Variants in MCF2L observed in about 807,000 individuals in gnomAD.
The protein encoded by MCF2L is MCF.2 cell line derived transforming sequence like.
MCF2L carries 97 observed loss-of-function variants against 153.4 expected under a neutral mutation model. That is an observed-to-expected ratio of 0.63 (90% confidence interval 0.54 to 0.75). The LOEUF is 0.75. MCF2L is among the 30% of genes least tolerant of loss of function. The pLI is 0.00. For synonymous variants in MCF2L, 659 were observed against 632.2 expected, an observed-to-expected ratio of 1.04 and a Z score of -0.64; for missense variants, 1,347 against 1,495.2, an observed-to-expected ratio of 0.90 and a Z score of 1.64.
rs561016545 is a variant in MCF2L, at chr13:113,010,621, G to A, written c.80-4142G>A. ...GGGCAGGCCTGGCCACCCCCTCGTC[G>A]GCCCCACCTGCTGCCTCTGCCCGCG... On this transcript the variant is annotated intron_variant, in intron 1 of 29. Transcript: ENST00000535094. 3.2e-3 allele frequency among the ~76,000 whole-genome samples: 483 copies of A among 151,936 alleles called. 1 individual carries two copies. Among genetic ancestry groups the A allele is most frequent in the Non-Finnish European group, 6.1e-3 (416 of 68,026 alleles).
At chr13:113,080,972 G>T (rs1021179495) in intron 15 of MCF2L, among the ~76,000 whole-genome samples, 1 of 152,226 alleles carries the variant, frequency 6.6e-6, no homozygotes, top group Non-Finnish European at 1.5e-5. Flanking sequence ...GCCGGGCCAG[G>T]GGCAAGACAC....
In MCF2L at chr13:113,070,533, C is replaced by T. The variant is rs182366159; in HGVS notation, c.996+360C>T. 3.0e-3 allele frequency: 514 copies of T among 168,992 alleles called. 2 individuals carry two copies. Among genetic ancestry groups the T allele is most frequent in the Non-Finnish European group, 5.1e-3 (407 of 79,618 alleles). 10.5% of individuals were successfully genotyped at this position (168,992 alleles called of 1,614,324 possible). On this transcript the variant is annotated intron_variant, in intron 9 of 29. Transcript: ENST00000535094. This position sits in a 1 kb window ranked among gnomAD's most constrained non-coding sequence, Gnocchi z 5.6. Reference sequence around the variant, plus strand: ...GCCTGCTGTGTGCCAGACTGTAGGACGGCGTCACAGTCATGAGGTGCACAG... The same window carrying T: ...GCCTGCTGTGTGCCAGACTGTAGGATGGCGTCACAGTCATGAGGTGCACAG...
intron 1 of MCF2L, among the ~76,000 whole-genome samples, chr13:112,900,700 A>G (rs1394189701): frequency 6.6e-6 from 1 of 152,090 alleles, no homozygotes; most frequent in Non-Finnish European, 1.5e-5. Flanking sequence ...TGGTGTCCCC[A>G]GAGTGTTTGG....
intron 18 of MCF2L, among the ~76,000 whole-genome samples, chr13:113,084,358 T>A (rs759272390): frequency 3.8e-5 from 2 of 52,392 alleles, no homozygotes; most frequent in Non-Finnish European, 1.0e-4. Flanking sequence ...GAACCTTCTG[T>A]ACCCCCAGAA....
At chr13:113,094,380 A>C in intron 26 of MCF2L, 134 bp from the exon 27 acceptor site, 1 of 871,252 alleles carries the variant, frequency 1.1e-6, no homozygotes, top group Non-Finnish European at 1.7e-6. Flanking sequence ...TGAACCCGGG[A>C]AGATGACAGG....
Position 113,087,817 on chromosome 13 carries a change from C to G in MCF2L, c.2688+18C>G. On this transcript the variant is annotated intron_variant, in intron 23 of 29. Coordinates refer to ENST00000535094, the MANE Select transcript of MCF2L (RefSeq NM_001112732.3). ...TCGTCCAGGTGGGCCACCCACCCTA[C>G]CCCTGGCCTCTTACACATTGCCACG... 1 of 1,601,804 alleles carries G rather than the reference C, an allele frequency of 6.2e-7. No homozygotes were observed.
At chr13:113,085,228 G>A (rs1181916883) in intron 20 of MCF2L, 50 bp downstream of exon 20, 10 of 1,566,108 alleles carry the variant, frequency 6.4e-6, no homozygotes, top group African/African-American at 1.4e-5. Flanking sequence ...CTGCTGGCCA[G>A]GTGTCTGTGC....
intron 2 of MCF2L, among the ~76,000 whole-genome samples, chr13:112,935,639 A>G (rs568228165): frequency 3.0e-4 from 46 of 152,168 alleles, no homozygotes; most frequent in Non-Finnish European, 5.7e-4. Context: ...GTGAGTTGAG[A>G]TAGCTGGGCT....
Position 113,089,748 on chromosome 13 carries a change from GGGCCTCACACGGA to G in MCF2L, c.2953+35_2953+47del, listed in dbSNP as rs760387405. ...GCAAAGGTGGGTATGTGCAGGGACCGGGCCTCACACGGAGGCCTCACACGGAGCTGCTCACGGA... is the reference window on the plus strand; with the variant it reads ...GCAAAGGTGGGTATGTGCAGGGACCGGGCCTCACACGGAGCTGCTCACGGA... On this transcript the variant is annotated intron_variant, in intron 26 of 29. Coordinates refer to ENST00000535094, the MANE Select transcript of MCF2L (RefSeq NM_001112732.3). 114 of 1,605,348 alleles carry G rather than the reference GGGCCTCACACGGA, an allele frequency of 7.1e-5. 1 individual carries two copies. Among genetic ancestry groups the G allele is most frequent in the East Asian group, 5.4e-4 (24 of 44,834 alleles).
At chr13:113,058,515 T>G (rs1158046446) in intron 4 of MCF2L, among the ~76,000 whole-genome samples, 14 of 140,410 alleles carry the variant, frequency 1.0e-4, no homozygotes, top group African/African-American at 3.8e-4. Flanking sequence ...GAGCTGAGTG[T>G]TTGGATGCTG....
rs1320175349 is a variant in MCF2L at position 112,978,867 on chromosome 13, C to G, written c.79+9409C>G. Among the ~76,000 whole-genome samples, 8 of 152,204 alleles carry G rather than the reference C, an allele frequency of 5.3e-5. No homozygotes were observed. In the South Asian group the frequency reaches 1.7e-3, roughly 31 times the overall value. ...AGGCCATTTGCACGGCCTTGCACAT[C>G]AGCTGTGAGGCCTGGAGCCCTGTGT... On this transcript the variant is annotated intron_variant, in intron 1 of 29. Coordinates refer to ENST00000535094, the MANE Select transcript of MCF2L (RefSeq NM_001112732.3).
Position 113,064,807 on chromosome 13 carries a change from C to T in MCF2L, c.607-129C>T, listed in dbSNP as rs906572353. 3 of 1,009,420 alleles carry T rather than the reference C, an allele frequency of 3.0e-6. No homozygotes were observed. Among genetic ancestry groups the T allele is most frequent in the African/African-American group, 3.2e-5 (2 of 62,114 alleles). 62.5% of individuals were successfully genotyped at this position (1,009,420 alleles called of 1,614,324 possible). A position where few individuals can be genotyped will look rare whatever the true frequency, so the allele number is the denominator to read the frequency against. On this transcript the variant is annotated intron_variant, in intron 6 of 29. Transcript: ENST00000535094. This position sits in a 1 kb window ranked among gnomAD's most constrained non-coding sequence, Gnocchi z 6.0. The stretch of plus-strand genomic sequence containing the variant: ...CAGGACGCTATGGGAGGGCGTTCAC[C>T]GTCTTTGCGTCAGCCGGTCTCACCT...
At chr13:112,933,681 A>C (rs943625012) in intron 2 of MCF2L, among the ~76,000 whole-genome samples, 1 of 152,254 alleles carries the variant, frequency 6.6e-6, no homozygotes, top group Admixed American at 6.5e-5. Context: ...CTTCATCCTC[A>C]TGACAACCCT....
At chr13:113,006,171 A>G (rs1289707052) in intron 1 of MCF2L, among the ~76,000 whole-genome samples, 1 of 152,174 alleles carries the variant, frequency 6.6e-6, no homozygotes. Flanking sequence ...GCACCCTCCC[A>G]GCCCCTCTGC....
intron 7 of MCF2L, 44 bp from the exon 8 acceptor site, chr13:113,066,002 G>T: frequency 6.3e-7 from 1 of 1,599,202 alleles, no homozygotes; most frequent in Non-Finnish European, 8.5e-7. Context: ...CCTGCGCTGT[G>T]TGCCTGGACG....
At chr13:112,940,706 G>T (rs888942393) in intron 2 of MCF2L, among the ~76,000 whole-genome samples, 2 of 152,140 alleles carry the variant, frequency 1.3e-5, no homozygotes, top group African/African-American at 4.8e-5. Flanking sequence ...ATAGCTTTAT[G>T]TGTATTATTA....
chr13:112,959,385 T>C (rs1180103913), intron 2 of MCF2L, among the ~76,000 whole-genome samples: 1 of 152,034 alleles, frequency 6.6e-6, no homozygotes, highest in Non-Finnish European at 1.5e-5. Context: ...AGTGGGTCCT[T>C]TGTTTCAGAA....
intron 2 of MCF2L, among the ~76,000 whole-genome samples, chr13:112,942,875 C>T (rs2081590461): frequency 6.6e-6 from 1 of 152,174 alleles, no homozygotes; most frequent in African/African-American, 2.4e-5. Context: ...TTCTCCGCAC[C>T]ATCCCCACAT....
intron 1 of MCF2L, among the ~76,000 whole-genome samples, chr13:112,988,451 A>C (rs2082738444): frequency 6.6e-6 from 1 of 152,054 alleles, no homozygotes; most frequent in Admixed American, 6.5e-5. Context: ...GGTGCGTTTT[A>C]ATTCTCGGCA....
Sources: allele counts gnomAD v4.1 joint callset (sites outside exome capture counted in the v4.1 genomes callset), GRCh38; gene constraint gnomAD v4.1.1; non-coding constraint Gnocchi (gnomAD v3.1); transcripts MANE v1.5; gene names NCBI Gene and HGNC (gene_info 2026-07-23, HGNC 2026-07-21).